The following ODAD2 variants were observed in gnomAD, a reference collection of about 807,000 sequenced individuals.
The protein encoded by ODAD2 is outer dynein arm-docking complex subunit 2.
Under a neutral mutation model 106.8 loss-of-function variants are expected in ODAD2, and 89 were observed. The ratio of observed to expected loss-of-function variants is 0.83; its 90% CI spans 0.70 to 0.99. The LOEUF is 0.99. Among genes scored for constraint, ODAD2 ranks in the 50% least tolerant of loss-of-function variants. ODAD2 has a pLI of 0.00. For missense variants in ODAD2, 1,168 were observed against 1,238.5 expected, an observed-to-expected ratio of 0.94 and a Z score of 0.85; for synonymous variants, 404 against 436.2, an observed-to-expected ratio of 0.93 and a Z score of 0.92.
chr10:27,974,688 T>C (rs920029335), intron 7 of ODAD2, among the ~76,000 whole-genome samples: 5 of 136,888 alleles, frequency 3.7e-5, no homozygotes, highest in Non-Finnish European at 6.4e-5. Flanking sequence ...GGTCTGTTTT[T>C]GTTTTTTTTT....
chr10:27,980,653 T>C (rs1258400852), intron 7 of ODAD2, among the ~76,000 whole-genome samples: 1 of 152,104 alleles, frequency 6.6e-6, no homozygotes, highest in Non-Finnish European at 1.5e-5. Flanking sequence ...ATGTTTATAA[T>C]TAAACAACAA....
rs143254607 is a variant in ODAD2, at chr10:27,963,838, C to A, written c.1239-2123G>T. Among the ~76,000 whole-genome samples, 726 of 152,154 alleles carry A rather than the reference C, an allele frequency of 4.8e-3. 1 individual carries two copies. Among genetic ancestry groups the A allele is most frequent in the African/African-American group, 0.012 (512 of 41,504 alleles). ...CCCATGCATTTGGCCACAAGAGTTCCGGACAACAGACTGTGGGTTAAATGT... is the reference window on the plus strand; with the variant it reads ...CCCATGCATTTGGCCACAAGAGTTCAGGACAACAGACTGTGGGTTAAATGT... On this transcript the variant is annotated intron_variant, in intron 9 of 19. Coordinates refer to ENST00000305242, the MANE Select transcript of ODAD2 (RefSeq NM_018076.5).
intron 10 of ODAD2, among the ~76,000 whole-genome samples, chr10:27,949,948 G>T (rs546972802): frequency 3.3e-5 from 5 of 152,170 alleles, no homozygotes; most frequent in African/African-American, 1.2e-4. Flanking sequence ...ACGCTTGCAG[G>T]GTCATCATTT....
intron 11 of ODAD2, among the ~76,000 whole-genome samples, 184 bp downstream of exon 11, chr10:27,944,632 G>A (rs912041337): frequency 6.6e-6 from 1 of 151,938 alleles, no homozygotes; most frequent in Non-Finnish European, 1.5e-5. Context: ...GAATGGAGAA[G>A]AGCAAAAAAA....
intron 17 of ODAD2, among the ~76,000 whole-genome samples, chr10:27,874,630 C>A (rs1394860325): frequency 9.2e-5 from 14 of 152,070 alleles, no homozygotes; most frequent in Non-Finnish European, 2.1e-4. Context: ...GTTTGGCTGG[C>A]TATGAAATTC....
At chr10:27,993,376 G>A (rs753260008) in intron 2 of ODAD2, among the ~76,000 whole-genome samples, 3 of 152,292 alleles carry the variant, frequency 2.0e-5, no homozygotes, top group South Asian at 2.1e-4. Flanking sequence ...CAGGCCGGGC[G>A]TGGTGGTTCA....
chr10:27,937,720 T>G (rs1846092291), intron 14 of ODAD2, among the ~76,000 whole-genome samples: 1 of 152,188 alleles, frequency 6.6e-6, no homozygotes, highest in Non-Finnish European at 1.5e-5. Context: ...TGGAGGCCAC[T>G]AGAAGAAATC....
At chr10:27,843,295 C>G (rs963282102) in intron 19 of ODAD2, among the ~76,000 whole-genome samples, 1 of 152,214 alleles carries the variant, frequency 6.6e-6, no homozygotes, top group Non-Finnish European at 1.5e-5. Flanking sequence ...TAGAAAAGAT[C>G]GAGCTGAATC....
intron 19 of ODAD2, among the ~76,000 whole-genome samples, chr10:27,857,442 T>A (rs964302030): frequency 1.3e-5 from 2 of 152,228 alleles, no homozygotes; most frequent in African/African-American, 4.8e-5. Context: ...TAGTGGGTCA[T>A]GACCCCTAAC....
intron 9 of ODAD2, among the ~76,000 whole-genome samples, chr10:27,965,190 C>G (rs1193784078): frequency 6.6e-6 from 1 of 152,086 alleles, no homozygotes; most frequent in East Asian, 1.9e-4. Flanking sequence ...AAACAGCAAC[C>G]AGGAAAGACA....
intron 10 of ODAD2, among the ~76,000 whole-genome samples, chr10:27,955,696 G>GGTGT (rs56731384): frequency 0.059 from 8,466 of 142,876 alleles, 237 homozygotes; most frequent in East Asian, 0.069. Context: ...AACCAATTAA[G>GGTGT]GTGTGTGTGT....
intron 19 of ODAD2, among the ~76,000 whole-genome samples, chr10:27,828,742 T>C (rs1406282690): frequency 6.6e-6 from 1 of 152,200 alleles, no homozygotes; most frequent in Non-Finnish European, 1.5e-5. Context: ...TTTATAACTT[T>C]ACTCTAGGAA....
chr10:27,943,421 A>G (rs1300767360), intron 12 of ODAD2, among the ~76,000 whole-genome samples: 3 of 152,142 alleles, frequency 2.0e-5, no homozygotes, highest in African/African-American at 7.2e-5. Context: ...CTGGGATCAT[A>G]GATAACAGTT....
At chr10:27,986,142 T>C (rs1849861466) in intron 3 of ODAD2, among the ~76,000 whole-genome samples, 1 of 152,092 alleles carries the variant, frequency 6.6e-6, no homozygotes, top group Non-Finnish European at 1.5e-5. Context: ...AGGACTTCAC[T>C]GGGGGAGAGG....
chr10:27,903,392 G>A (rs1308216637), intron 17 of ODAD2, among the ~76,000 whole-genome samples: 1 of 152,160 alleles, frequency 6.6e-6, no homozygotes, highest in Non-Finnish European at 1.5e-5. Context: ...ACCAGCACAA[G>A]ACAAGGATGC....
intron 14 of ODAD2, 99 bp downstream of exon 14, chr10:27,939,798 C>G: frequency 1.8e-6 from 1 of 542,130 alleles, no homozygotes; most frequent in Non-Finnish European, 3.2e-6. Context: ...AATGCAGATT[C>G]CTGAGTCCCA....
intron 19 of ODAD2, among the ~76,000 whole-genome samples, chr10:27,858,318 C>A (rs901615746): frequency 2.6e-5 from 4 of 152,068 alleles, no homozygotes; most frequent in African/African-American, 7.2e-5. Flanking sequence ...AAGAAGAGGT[C>A]GAGAGAGACA....
intron 7 of ODAD2, among the ~76,000 whole-genome samples, chr10:27,972,997 T>C (rs562484449): frequency 2.0e-5 from 3 of 152,212 alleles, no homozygotes; most frequent in Admixed American, 6.5e-5. Flanking sequence ...ATAGATCATA[T>C]ACTGGGCCAT....
At chr10:27,956,430 G>A (rs1329544573) in intron 10 of ODAD2, among the ~76,000 whole-genome samples, 1 of 152,146 alleles carries the variant, frequency 6.6e-6, no homozygotes. Context: ...AAGTACTCAG[G>A]AATAAGACCG....
Sources: allele counts gnomAD v4.1 joint callset (sites outside exome capture counted in the v4.1 genomes callset), GRCh38; gene constraint gnomAD v4.1.1; transcripts MANE v1.5; gene names NCBI Gene and HGNC (gene_info 2026-07-23, HGNC 2026-07-21).